Variants in ANO1 observed in about 807,000 individuals in gnomAD.
ANO1 encodes the protein anoctamin-1.
In ANO1, 59 loss-of-function variants were observed where a neutral mutation model predicts 124.0. The ratio of observed to expected loss-of-function variants is 0.48; its 90% confidence interval spans 0.39 to 0.59. The LOEUF is 0.59. ANO1 is among the 20% of genes least tolerant of loss of function. ANO1 has a pLI of 0.00. For synonymous variants in ANO1, 529 were observed against 532.0 expected, an observed-to-expected ratio of 0.99 and a Z score of 0.08; for missense variants, 1,059 against 1,328.0, an observed-to-expected ratio of 0.80 and a Z score of 3.15.
At chr11:70,171,827 G>A (rs2048484080) in intron 22 of ANO1, among the ~76,000 whole-genome samples, 1 of 152,148 alleles carries the variant, frequency 6.6e-6, no homozygotes, top group African/African-American at 2.4e-5. Context: ...AATGAGCTGG[G>A]CGTGATGGTG....
chr11:70,003,454 C>A (rs1856422117), intron 1 of ANO1, among the ~76,000 whole-genome samples: 1 of 152,186 alleles, frequency 6.6e-6, no homozygotes, highest in Non-Finnish European at 1.5e-5. Flanking sequence ...GTATGCAGGG[C>A]ATTCTTGTAT....
At chr11:70,110,222 T>A (rs1417736152) in intron 6 of ANO1, among the ~76,000 whole-genome samples, 2 of 149,618 alleles carry the variant, frequency 1.3e-5, no homozygotes, top group Non-Finnish European at 3.0e-5. Flanking sequence ...AGTGTTGCTC[T>A]GTCACCCAGG....
chr11:70,149,907 TGA>T (rs1565251380), intron 12 of ANO1, 115 bp downstream of exon 12: 1 of 1,211,846 alleles, frequency 8.3e-7, no homozygotes, highest in Non-Finnish European at 1.2e-6. Flanking sequence ...TGGTCCAAGC[TGA>T]GGCAAGGCCG....
chr11:70,095,340 G>GAAAGAA (rs2044851439), intron 2 of ANO1, among the ~76,000 whole-genome samples: 2 of 97,652 alleles, frequency 2.0e-5, no homozygotes. Flanking sequence ...AAAGGAAAGA[G>GAAAGAA]AAAGAAAAAG....
intron 25 of ANO1, 99 bp downstream of exon 25, chr11:70,185,794 G>T: frequency 2.3e-6 from 3 of 1,323,224 alleles, no homozygotes; most frequent in Admixed American, 2.0e-5. Context: ...AAAGCCAGGG[G>T]TTCAGAGACT....
At chr11:70,092,265 G>T (rs2135262223) in intron 2 of ANO1, among the ~76,000 whole-genome samples, 3 of 152,332 alleles carry the variant, frequency 2.0e-5, no homozygotes, top group Admixed American at 2.0e-4. Flanking sequence ...GGTTACATCT[G>T]CAAAGACCCT....
chr11:70,131,333 G>GCA (rs1166261042), intron 10 of ANO1, among the ~76,000 whole-genome samples: 4 of 130,962 alleles, frequency 3.1e-5, no homozygotes, highest in Non-Finnish European at 6.9e-5. Context: ...GTGTGTGTGT[G>GCA]CGCGTCTGTG....
Position 70,158,350 on chromosome 11 carries a change from G to T in ANO1, c.1578+1329G>T, listed in dbSNP as rs570072359. The stretch of plus-strand genomic sequence containing the variant: ...CCTCGTCCAGCCCAACAGCTTGAAG[G>T]CAGCGCCTCCTGTGGCCACCTAGCC... On this transcript the variant is annotated intron_variant, in intron 16 of 25. Coordinates refer to ENST00000355303, the MANE Select transcript of ANO1 (RefSeq NM_018043.7). 5.3e-5 allele frequency among the ~76,000 whole-genome samples: 8 copies of T among 152,332 alleles called. No individual in the cohort carries two copies. In the East Asian group the frequency reaches 1.4e-3, roughly 26 times the overall value.
rs528602271 is a variant in ANO1 at position 70,093,746 on chromosome 11, G to A, written c.441+5662G>A. On this transcript the variant is annotated intron_variant, in intron 2 of 25. Transcript: ENST00000355303. ...GCTGTCCCCGCAGCAGCATCTGTTC[G>A]CCATCTTCATGGATGCTGCTTTTGA... 3.9e-5 allele frequency among the ~76,000 whole-genome samples: 6 copies of A among 152,346 alleles called. No homozygotes were observed. In the East Asian group the frequency reaches 9.6e-4, roughly 24 times the overall value.
the ANO1 span, among the ~76,000 whole-genome samples, chr11:69,966,382 C>T: frequency 6.6e-6 from 1 of 152,212 alleles, no homozygotes; most frequent in Non-Finnish European, 1.5e-5. Context: ...CACCTGCCAC[C>T]TGGTTTTCAG....
At chr11:70,078,106 G>C (rs2044087508), upstream of ANO1, among the ~76,000 whole-genome samples, 1 of 152,164 alleles carries the variant, frequency 6.6e-6, no homozygotes, top group African/African-American at 2.4e-5. Context: ...GCTATTGAAA[G>C]TTCCCCCCTT....
At chr11:70,182,063 A>G (rs1006600627) in intron 23 of ANO1, among the ~76,000 whole-genome samples, 2 of 152,030 alleles carry the variant, frequency 1.3e-5, no homozygotes, top group Non-Finnish European at 2.9e-5. Context: ...CCGGGTGAGG[A>G]CTTGAGAGCT....
intron 2 of ANO1, among the ~76,000 whole-genome samples, chr11:70,090,292 C>G (rs1426188905): frequency 6.6e-6 from 1 of 152,216 alleles, no homozygotes; most frequent in African/African-American, 2.4e-5. Flanking sequence ...CAGGCGTGAG[C>G]CACCGCGCCT....
chr11:69,971,941 C>G, the ANO1 span, among the ~76,000 whole-genome samples: 1 of 152,120 alleles, frequency 6.6e-6, no homozygotes, highest in Non-Finnish European at 1.5e-5. Context: ...GAAAGCGAGG[C>G]TGGGCGCGGT....
chr11:70,057,444 G>GTGTT (rs1857465232), intron 1 of ANO1, among the ~76,000 whole-genome samples: 1 of 151,694 alleles, frequency 6.6e-6, no homozygotes, highest in African/African-American at 2.4e-5. Flanking sequence ...TTGTGTGTGT[G>GTGTT]TGTGTGTGTG....
At chr11:70,130,573 G>A (rs372701459) in intron 10 of ANO1, among the ~76,000 whole-genome samples, 1 of 152,224 alleles carries the variant, frequency 6.6e-6, no homozygotes, top group Admixed American at 6.5e-5. Context: ...TCCTGCTCTC[G>A]CCGCCGATAG....
intron 22 of ANO1, among the ~76,000 whole-genome samples, chr11:70,175,583 G>C (rs951848015): frequency 2.0e-5 from 3 of 152,240 alleles, no homozygotes; most frequent in African/African-American, 7.2e-5. Flanking sequence ...CAGGTCCCTA[G>C]CCCTGGTTTC....
chr11:70,110,143 AAGG>A (rs1396689071), intron 6 of ANO1, among the ~76,000 whole-genome samples: 2 of 150,192 alleles, frequency 1.3e-5, no homozygotes, highest in African/African-American at 4.9e-5. Flanking sequence ...CAGCAACAGG[AAGG>A]AGGCCAGCGA....
intron 1 of ANO1, among the ~76,000 whole-genome samples, chr11:70,031,572 A>G (rs1203283321): frequency 6.6e-6 from 1 of 152,162 alleles, no homozygotes; most frequent in Non-Finnish European, 1.5e-5. Context: ...GATTGCACAC[A>G]TTCAAGGTGA....
Sources: allele counts gnomAD v4.1 joint callset (sites outside exome capture counted in the v4.1 genomes callset), GRCh38; gene constraint gnomAD v4.1.1; transcripts MANE v1.5; gene names NCBI Gene and HGNC (gene_info 2026-07-23, HGNC 2026-07-21).